Variants in MYO16 observed in about 807,000 individuals in gnomAD.
MYO16 encodes the protein myosin XVI.
MYO16 carries 94 observed loss-of-function variants against 205.3 expected under a neutral mutation model. The ratio of observed to expected loss-of-function variants is 0.46; its 90% CI spans 0.39 to 0.54. MYO16 has a LOEUF of 0.54. MYO16 is among the 20% of genes least tolerant of loss of function. The probability of loss-of-function intolerance (pLI) is 0.00; values close to 1 mark genes in which losing one functional copy is unlikely to be tolerated. For missense variants in MYO16, 2,315 were observed against 2,387.5 expected (o/e 0.97, Z 0.63); for synonymous variants, 988 against 954.0 (o/e 1.04, Z -0.66).
intron 16 of MYO16, among the ~76,000 whole-genome samples, chr13:108,929,904 A>G (rs888917322): frequency 3.9e-5 from 6 of 152,258 alleles, no homozygotes; most frequent in Admixed American, 3.3e-4. Flanking sequence ...TAATCTGATT[A>G]TAATTGTGGC....
At chr13:108,676,022 T>C (rs1440365704) in intron 2 of MYO16, among the ~76,000 whole-genome samples, 1 of 152,208 alleles carries the variant, frequency 6.6e-6, no homozygotes, top group Non-Finnish European at 1.5e-5. Flanking sequence ...ACATGCATAA[T>C]AAATGTTAGC....
At chr13:108,964,510 C>T (rs959318079) in intron 19 of MYO16, among the ~76,000 whole-genome samples, 27 of 152,208 alleles carry the variant, frequency 1.8e-4, no homozygotes, top group African/African-American at 6.3e-4. Flanking sequence ...TGAAATTACA[C>T]AACCTACAAT....
At chr13:108,545,484 T>C in the MYO16 span, among the ~76,000 whole-genome samples, 1 of 152,212 alleles carries the variant, frequency 6.6e-6, no homozygotes, top group East Asian at 1.9e-4. Flanking sequence ...TGTGCCTTTA[T>C]GGTAGAATGA....
Position 108,629,716 on chromosome 13 carries a change from T to C in MYO16, c.-129T>C. The C allele has an allele frequency of 2.6e-6, 2 of 776,192 alleles. No individual in the cohort carries two copies. The highest frequency in any genetic ancestry group is 4.1e-6 in the Non-Finnish European group (2 of 485,306). 48.1% of individuals were successfully genotyped at this position (776,192 alleles called of 1,614,324 possible). On this transcript the variant is annotated 5_prime_UTR_variant, in exon 1 of 35. An upstream start codon of the reference 5' UTR is lost. Coordinates refer to ENST00000457511, the MANE Select transcript of MYO16 (RefSeq NM_001198950.3). Reference sequence around the variant, plus strand: ...GCAGGATCATGGAACAGAGCCTCCATGCAATAGTGCATCCTGAGGTAAACT... The same window carrying C: ...GCAGGATCATGGAACAGAGCCTCCACGCAATAGTGCATCCTGAGGTAAACT...
At chr13:109,199,125 T>C (rs2139964964) in intron 34 of MYO16, among the ~76,000 whole-genome samples, 1 of 147,264 alleles carries the variant, frequency 6.8e-6, no homozygotes, top group Middle Eastern at 3.5e-3. Flanking sequence ...GTTAATTAAC[T>C]TGTGAAGCCT....
chr13:108,603,032 T>A (rs968262478), intron 1 of MYO16, among the ~76,000 whole-genome samples: 4 of 152,186 alleles, frequency 2.6e-5, no homozygotes, highest in African/African-American at 9.6e-5. Flanking sequence ...TTGAAAAGTA[T>A]GTAATAAATG....
At chr13:109,197,550 T>C (rs1201030434) in intron 34 of MYO16, among the ~76,000 whole-genome samples, 3 of 152,190 alleles carry the variant, frequency 2.0e-5, no homozygotes, top group Non-Finnish European at 4.4e-5. Context: ...GAGATTAATT[T>C]ACTCATTTTA....
intron 15 of MYO16, among the ~76,000 whole-genome samples, chr13:108,900,588 A>ACTTAT (rs1453443961): frequency 6.6e-6 from 1 of 152,206 alleles, no homozygotes; most frequent in Non-Finnish European, 1.5e-5. Flanking sequence ...TTTCATGGAC[A>ACTTAT]CTTATCACTT....
At chr13:108,889,374 A>G (rs1880054678) in intron 14 of MYO16, among the ~76,000 whole-genome samples, 1 of 152,242 alleles carries the variant, frequency 6.6e-6, no homozygotes, top group South Asian at 2.1e-4. Flanking sequence ...AACATCCCAC[A>G]TAATCAAACT....
At chr13:108,575,323 G>A in the MYO16 span, among the ~76,000 whole-genome samples, 1 of 152,086 alleles carries the variant, frequency 6.6e-6, no homozygotes, top group Non-Finnish European at 1.5e-5. Flanking sequence ...GACCTGTATG[G>A]GTCCTAGGAC....
At chr13:108,967,508 G>A (rs1028410206) in intron 20 of MYO16, among the ~76,000 whole-genome samples, 1 of 152,140 alleles carries the variant, frequency 6.6e-6, no homozygotes, top group Admixed American at 6.5e-5. Flanking sequence ...GTAATGTGTG[G>A]CTGCCTACTG....
intron 9 of MYO16, among the ~76,000 whole-genome samples, chr13:108,827,291 A>C (rs1876326230): frequency 6.6e-6 from 1 of 152,138 alleles, no homozygotes; most frequent in South Asian, 2.1e-4. Flanking sequence ...TGCAAGAAAG[A>C]ATGGAATAGT....
intron 22 of MYO16, among the ~76,000 whole-genome samples, chr13:109,012,661 C>T (rs78620375): frequency 1.3e-5 from 2 of 151,870 alleles, no homozygotes; most frequent in Non-Finnish European, 2.9e-5. Context: ...CTAGTCTAAA[C>T]CATGTGGTCA....
the MYO16 span, among the ~76,000 whole-genome samples, chr13:108,577,222 T>C: frequency 6.6e-6 from 1 of 152,172 alleles, no homozygotes; most frequent in Non-Finnish European, 1.5e-5. Flanking sequence ...AATGCCACAT[T>C]GATGTAATTA....
intron 23 of MYO16, among the ~76,000 whole-genome samples, chr13:109,033,710 A>G (rs1886619308): frequency 6.6e-6 from 1 of 152,198 alleles, no homozygotes; most frequent in South Asian, 2.1e-4. Context: ...TATCCACAGC[A>G]GAAAGTAGCT....
At chr13:108,497,381 C>A in the MYO16 span, among the ~76,000 whole-genome samples, 10 of 152,218 alleles carry the variant, frequency 6.6e-5, no homozygotes, top group African/African-American at 2.4e-4. Flanking sequence ...ATTAAACAAG[C>A]ATATGTGACA....
At position 109,105,005 on chromosome 13, in the gene MYO16, T is replaced by A. The variant is rs549374423; in HGVS notation, c.3438+4118T>A. On this transcript the variant is annotated intron_variant, in intron 28 of 34. Transcript: ENST00000457511. ...CACCTTTCCTCCATAGCGTGGGAAC[T>A]CCATCACGAGGGCTTTGTGTCTGCA... Among the ~76,000 whole-genome samples, 33 of 152,276 alleles carry A rather than the reference T, an allele frequency of 2.2e-4. No individual in the cohort carries two copies. In the South Asian group the frequency reaches 6.8e-3, roughly 32 times the overall value.
intron 22 of MYO16, among the ~76,000 whole-genome samples, chr13:109,015,035 G>C (rs776033772): frequency 6.6e-6 from 1 of 152,172 alleles, no homozygotes; most frequent in Admixed American, 6.5e-5. Flanking sequence ...TCCCTGTCTC[G>C]TGCCAGTTTG....
At chr13:108,810,399 G>A (rs775815458) in intron 7 of MYO16, among the ~76,000 whole-genome samples, 18 of 149,206 alleles carry the variant, frequency 1.2e-4, no homozygotes, top group Non-Finnish European at 2.1e-4. Flanking sequence ...GAGTGTAGAT[G>A]AGGCTTTTGT....
Sources: gnomAD v4.1 joint callset for allele counts (sites outside exome capture counted in the v4.1 genomes callset) on GRCh38, gnomAD v4.1.1 for gene constraint, MANE v1.5 for transcripts, NCBI Gene and HGNC (gene_info 2026-07-23, HGNC 2026-07-21) for gene names.